PCDHGB3: variants seen among roughly 807,000 people sequenced by gnomAD.
PCDHGB3 encodes the protein protocadherin gamma-B3.
PCDHGB3 carries 40 observed loss-of-function variants against 59.2 expected under a neutral mutation model. The observed-to-expected ratio is 0.68, with a 90% CI of 0.52 to 0.88. PCDHGB3 has a LOEUF of 0.88. Among genes scored for constraint, PCDHGB3 ranks in the 40% least tolerant of loss-of-function variants. The probability of loss-of-function intolerance (pLI) is 0.00; values close to 1 mark genes in which losing one functional copy is unlikely to be tolerated. For synonymous variants in PCDHGB3, 581 were observed against 503.6 expected (o/e 1.15, Z -2.06); for missense variants, 1,309 against 1,187.9 (o/e 1.10, Z -1.50).
chr5:141,413,150 T>C, intron 1 of PCDHGB3: 1 of 1,573,292 alleles, frequency 6.4e-7, no homozygotes. Context: ...AGTGAGGACT[T>C]TGCAGAATTC....
At position 141,486,112 on chromosome 5, in the gene PCDHGB3, G is replaced by A; in HGVS notation, c.2416-8695G>A. ...TGGGGCCCCTAGACTTTGAGAGTGA[G>A]AATTACTATGAATTTGATGTGCGGG... On this transcript the variant is annotated intron_variant, in intron 1 of 3. Transcript: ENST00000576222. This position sits in a 1 kb window ranked among gnomAD's most constrained non-coding sequence, Gnocchi z 5.0. 1 of 1,614,166 alleles carries A rather than the reference G, an allele frequency of 6.2e-7. No homozygotes were observed. Among genetic ancestry groups the A allele is most frequent in the Non-Finnish European group, 8.5e-7 (1 of 1,180,024 alleles).
chr5:141,432,808 C>T lies in PCDHGB3; in HGVS notation c.2415+59999C>T, dbSNP rs1473886709. ...TCGGCAGCCTCGAGTCTCCAGCTAA[C>T]TCTGAAACCTCAGACCTCACTCTGT... On this transcript the variant is annotated intron_variant, in intron 1 of 3. Transcript: ENST00000576222. This position sits in a 1 kb window ranked among gnomAD's most constrained non-coding sequence, Gnocchi z 6.0. 6.2e-7 allele frequency: 1 copy of T among 1,613,486 alleles called. No homozygotes were observed. Among genetic ancestry groups the T allele is most frequent in the African/African-American group, 1.3e-5 (1 of 74,426 alleles).
chr5:141,473,245 C>T (rs2099317733), intron 1 of PCDHGB3, among the ~76,000 whole-genome samples: 1 of 152,134 alleles, frequency 6.6e-6, no homozygotes, highest in African/African-American at 2.4e-5. Context: ...CAAGTGAATA[C>T]ATATATAGTC....
At chr5:141,419,617 C>G (rs780077182) in intron 1 of PCDHGB3, 1 of 1,612,280 alleles carries the variant, frequency 6.2e-7, no homozygotes. Flanking sequence ...AGCCAGGCTA[C>G]CTGGTGACCA....
intron 1 of PCDHGB3, among the ~76,000 whole-genome samples, chr5:141,483,618 C>T (rs1441906179): frequency 6.6e-6 from 1 of 151,536 alleles, no homozygotes; most frequent in Non-Finnish European, 1.5e-5. Flanking sequence ...TCCATCATTC[C>T]CATGGGAGAA....
rs181397365 is a variant in PCDHGB3, at chr5:141,481,810, G to A, written c.2416-12997G>A. Among the ~76,000 whole-genome samples, 99 of 151,944 alleles carry A rather than the reference G, an allele frequency of 6.5e-4. 1 individual carries two copies. The highest frequency in any genetic ancestry group is 2.4e-3 in the African/African-American group (98 of 41,418). On this transcript the variant is annotated intron_variant, in intron 1 of 3. Transcript: ENST00000576222. ...CTACTAAAAATACAAAAATTCACCA[G>A]GCGTGGTGGCTGAGGCAGGAGAATC...
At position 141,500,878 on chromosome 5, in the gene PCDHGB3, T is replaced by A. The variant is rs545375199; in HGVS notation, c.2475-4515T>A. On this transcript the variant is annotated intron_variant, in intron 2 of 3. Transcript: ENST00000576222. The stretch of plus-strand genomic sequence containing the variant: ...AGAAAACATACACATTCATTTACAA[T>A]TTTTTTTTTTTGAGACAGTCTCGCT... Among the ~76,000 whole-genome samples, 20 of 92,410 alleles carry A rather than the reference T, an allele frequency of 2.2e-4. 1 individual carries two copies. The East Asian group carries it at 4.8e-3, about 22-fold the overall frequency. The allele number at this position is 92,410 out of a possible 152,430, so 60.6% of individuals were successfully genotyped here.
intron 1 of PCDHGB3, chr5:141,410,801 A>T: frequency 3.4e-6 from 2 of 587,936 alleles, no homozygotes; most frequent in South Asian, 3.5e-5. Context: ...AAGTTGCTCT[A>T]TCTTTTTGTA....
intron 2 of PCDHGB3, among the ~76,000 whole-genome samples, chr5:141,499,984 G>A (rs1350203006): frequency 6.6e-6 from 1 of 151,872 alleles, no homozygotes; most frequent in East Asian, 1.9e-4. Context: ...CACCTTGCCC[G>A]GCCAGATGAT....
intron 1 of PCDHGB3, chr5:141,400,218 G>C (rs2093982352): frequency 6.2e-7 from 1 of 1,613,932 alleles, no homozygotes; most frequent in Admixed American, 1.7e-5. Context: ...TGATCTCAGT[G>C]CTCTTCCTCC....
At chr5:141,394,180 C>T in intron 1 of PCDHGB3, 2 of 1,613,948 alleles carry the variant, frequency 1.2e-6, no homozygotes, top group Non-Finnish European at 1.7e-6. Context: ...CCTCATGCCT[C>T]CTACTCAGCG....
chr5:141,404,079 C>G lies in PCDHGB3; in HGVS notation c.2415+31270C>G, dbSNP rs768434673. On this transcript the variant is annotated intron_variant, in intron 1 of 3. Transcript: ENST00000576222. ...CTTTTCAATGCTCATGACCGAGACT[C>G]CGGGAAGAATGGTCAAGTTGTCTGT... 3.1e-6 allele frequency: 5 copies of G among 1,613,568 alleles called. No homozygotes were observed. In the East Asian group the frequency reaches 1.1e-4, roughly 36 times the overall value.
intron 1 of PCDHGB3, chr5:141,393,248 C>A: frequency 4.3e-6 from 7 of 1,613,798 alleles, no homozygotes; most frequent in Non-Finnish European, 5.9e-6. Flanking sequence ...TTAACGAAAT[C>A]GCGGTTCCTG....
intron 1 of PCDHGB3, chr5:141,411,436 T>C (rs2095489663): frequency 6.7e-6 from 1 of 149,586 alleles, no homozygotes; most frequent in South Asian, 2.1e-4. Flanking sequence ...AAAAAAACAT[T>C]AGCAGAGTGT....
chr5:141,419,877 C>G (rs1272137716), intron 1 of PCDHGB3: 24 of 1,614,062 alleles, frequency 1.5e-5, no homozygotes, highest in Non-Finnish European at 1.9e-5. Flanking sequence ...GAGGTACTGC[C>G]GGATTTCAGC....
chr5:141,491,876 A>G lies in PCDHGB3; in HGVS notation c.2416-2931A>G. ...TTGCGCGAAACCAGAGTGGCCGATT[A>G]AGGGATGGGGCTCCGAGCACCGGGG... On this transcript the variant is annotated intron_variant, in intron 1 of 3. Coordinates refer to ENST00000576222, the MANE Select transcript of PCDHGB3 (RefSeq NM_018924.5). The surrounding 1 kb of genome is among the most constrained non-coding windows in gnomAD (Gnocchi z 6.9). 2.1e-6 allele frequency: 3 copies of G among 1,450,326 alleles called. No individual in the cohort carries two copies. Among genetic ancestry groups the G allele is most frequent in the Non-Finnish European group, 1.8e-6 (2 of 1,097,472 alleles). 89.8% of individuals were successfully genotyped at this position (1,450,326 alleles called of 1,614,324 possible).
rs774071540 is a variant in PCDHGB3, at chr5:141,511,042, G to A, written c.2659G>A (p.Asp887Asn). 8 of 1,614,064 alleles carry A rather than the reference G, an allele frequency of 5.0e-6. No homozygotes were observed. Among genetic ancestry groups the A allele is most frequent in the Non-Finnish European group, 6.8e-6 (8 of 1,180,016 alleles). Residue 887 changes from aspartate to asparagine, a missense_variant, in exon 4 of 4, where the codon GAC becomes AAC. Physicochemically the swap from Asp to Asn is conservative, Grantham distance 23. Coordinates refer to ENST00000576222, the MANE Select transcript of PCDHGB3 (RefSeq NM_018924.5). Reference sequence around the variant, plus strand: ...CCAGTTCACCCTGCAGCACGTGCCCGACTACCGCCAGAATGTCTACATCCC... The same window carrying A: ...CCAGTTCACCCTGCAGCACGTGCCCAACTACCGCCAGAATGTCTACATCCC... ...GPQFTLQHVPDYRQNVYIPGS... is the reference protein window; with the variant it reads ...GPQFTLQHVPNYRQNVYIPGS...
At chr5:141,419,325 A>C in intron 1 of PCDHGB3, 1 of 1,613,702 alleles carries the variant, frequency 6.2e-7, no homozygotes, top group African/African-American at 1.3e-5. Flanking sequence ...CGTGTCTCCT[A>C]CTCTCTCATT....
intron 1 of PCDHGB3, among the ~76,000 whole-genome samples, chr5:141,473,329 G>A (rs2099319416): frequency 6.6e-6 from 1 of 152,212 alleles, no homozygotes; most frequent in Non-Finnish European, 1.5e-5. Context: ...TTAAGTGCCT[G>A]CTGTGCTAGA....
Sources: gnomAD v4.1 joint callset for allele counts (sites outside exome capture counted in the v4.1 genomes callset) on GRCh38, gnomAD v4.1.1 for gene constraint, Gnocchi (gnomAD v3.1) non-coding constraint, MANE v1.5 for transcripts, NCBI Gene and HGNC (gene_info 2026-07-23, HGNC 2026-07-21) for gene names.